Variants in YEATS4 observed in about 807,000 individuals in gnomAD.
YEATS4 encodes the protein YEATS domain-containing protein 4.
A neutral mutation model predicts 30.1 loss-of-function variants in YEATS4; 17 were observed. The ratio of observed to expected loss-of-function variants is 0.56; its 90% CI spans 0.39 to 0.85. YEATS4 has a LOEUF of 0.85. Among genes scored for constraint, YEATS4 ranks in the 40% least tolerant of loss-of-function variants. YEATS4 has a pLI of 0.00. For synonymous variants in YEATS4, 85 were observed against 87.5 expected (o/e 0.97, Z 0.16); for missense variants, 142 against 268.3 (o/e 0.53, Z 3.29).
At chr12:69,365,345 G>T (rs1447861446) in intron 2 of YEATS4, among the ~76,000 whole-genome samples, 3 of 151,906 alleles carry the variant, frequency 2.0e-5, no homozygotes, top group Non-Finnish European at 4.4e-5. Context: ...CAGCTACTCA[G>T]GAGGCTGAGG....
chr12:69,373,527 A>G (rs945613660), intron 6 of YEATS4, among the ~76,000 whole-genome samples: 12 of 152,290 alleles, frequency 7.9e-5, no homozygotes, highest in Non-Finnish European at 1.3e-4. Context: ...TCTGATTATT[A>G]ATTCTTTGAC....
At chr12:69,389,670 C>T (rs929527579) in intron 6 of YEATS4, among the ~76,000 whole-genome samples, 5 of 151,472 alleles carry the variant, frequency 3.3e-5, no homozygotes, top group Non-Finnish European at 5.9e-5. Context: ...TGCACCACCA[C>T]GCCCTGCTAA....
rs779683373 is a variant in YEATS4 at position 69,362,899 on chromosome 12, A to G, written c.163A>G (p.Arg55Gly). The change falls in exon 2 of 7, where the codon AGA becomes GGA. Residue 55 changes from arginine to glycine, a missense_variant. By Grantham distance (125) the Arg-to-Gly change is moderately radical. Transcript: ENST00000247843. Reference protein sequence around the residue: ...HQWTVYVKPYRNEDMSAYVKK... With the variant: ...HQWTVYVKPYGNEDMSAYVKK... ...GTGGACAGTATATGTGAAACCATAT[A>G]GAAATGAGGTAGGCACTCGTTTTTT... 6.4e-7 allele frequency: 1 copy of G among 1,563,028 alleles called. No individual in the cohort carries two copies. Among genetic ancestry groups the G allele is most frequent in the Non-Finnish European group, 8.7e-7 (1 of 1,154,298 alleles).
chr12:69,365,999 A>C (rs574157805), intron 4 of YEATS4, 115 bp downstream of exon 4: 324 of 767,754 alleles, frequency 4.2e-4, no homozygotes, highest in Middle Eastern at 7.9e-4. Context: ...TTTATGGCAC[A>C]GTGTATCTTG....
At chr12:69,416,820 C>A in the YEATS4 span, among the ~76,000 whole-genome samples, 5 of 152,276 alleles carry the variant, frequency 3.3e-5, no homozygotes, top group Non-Finnish European at 4.4e-5. Context: ...TGCTTGTAAT[C>A]CCAGCACTTC....
chr12:69,420,099 G>A, the YEATS4 span, among the ~76,000 whole-genome samples: 1 of 152,362 alleles, frequency 6.6e-6, no homozygotes, highest in East Asian at 1.9e-4. Flanking sequence ...AGGGTAAAAT[G>A]TAACTGGATT....
intron 6 of YEATS4, among the ~76,000 whole-genome samples, chr12:69,380,849 C>G (rs966813187): frequency 1.3e-5 from 2 of 152,130 alleles, no homozygotes; most frequent in Non-Finnish European, 2.9e-5. Context: ...TCCATGATGC[C>G]CCACAAGCCA....
At chr12:69,391,338 G>A (rs1219349234), downstream of YEATS4, among the ~76,000 whole-genome samples, 1 of 151,772 alleles carries the variant, frequency 6.6e-6, no homozygotes, top group Admixed American at 6.6e-5. Context: ...CATATGGGAA[G>A]CAGCTGCAGC....
chr12:69,425,748 C>T, the YEATS4 span, among the ~76,000 whole-genome samples: 16 of 152,160 alleles, frequency 1.1e-4, no homozygotes, highest in African/African-American at 3.1e-4. Context: ...GGAGCCCACA[C>T]GTTAAGTCAT....
the YEATS4 span, among the ~76,000 whole-genome samples, chr12:69,399,143 T>TC: frequency 4.8e-5 from 7 of 145,274 alleles, no homozygotes; most frequent in African/African-American, 1.0e-4. Context: ...TGAGACTCCG[T>TC]CCCCCCCAAA....
chr12:69,379,877 A>G (rs992550950), intron 6 of YEATS4, among the ~76,000 whole-genome samples: 1 of 152,076 alleles, frequency 6.6e-6, no homozygotes, highest in African/African-American at 2.4e-5. Context: ...CAGTTCTGCT[A>G]TTAAGTGACT....
At chr12:69,375,008 G>GCC (rs142781942) in intron 6 of YEATS4, among the ~76,000 whole-genome samples, 3 of 147,638 alleles carry the variant, frequency 2.0e-5, no homozygotes, top group African/African-American at 7.5e-5. Flanking sequence ...GGCGGGGGCT[G>GCC]CCCCCACCTC....
chr12:69,407,583 G>C, the YEATS4 span, among the ~76,000 whole-genome samples: 1 of 151,934 alleles, frequency 6.6e-6, no homozygotes, highest in East Asian at 1.9e-4. Context: ...GACTTGTGAA[G>C]GGCCCAGAAA....
At chr12:69,426,023 C>T in the YEATS4 span, among the ~76,000 whole-genome samples, 14 of 152,098 alleles carry the variant, frequency 9.2e-5, no homozygotes, top group African/African-American at 3.1e-4. Context: ...TCGCTTGAGG[C>T]GAGGAGTTCA....
chr12:69,415,969 G>A, the YEATS4 span, among the ~76,000 whole-genome samples: 1 of 152,184 alleles, frequency 6.6e-6, no homozygotes, highest in Non-Finnish European at 1.5e-5. Context: ...TACATTTTTG[G>A]AAGGTCAGTT....
chr12:69,413,441 G>T, the YEATS4 span, among the ~76,000 whole-genome samples: 1 of 151,204 alleles, frequency 6.6e-6, no homozygotes. Flanking sequence ...CATATCAATT[G>T]AAAGAGTGGA....
At position 69,370,805 on chromosome 12, in the gene YEATS4, A is replaced by T. The variant is rs758399486; in HGVS notation, c.426+7A>T. ...AGAGTTCTATGATGAAATGGTAAGA[A>T]GATTTTATAATGATAGTTTTAAAAG... On this transcript the variant is annotated splice_region_variant and intron_variant, in intron 5 of 6. Coordinates refer to ENST00000247843, the MANE Select transcript of YEATS4 (RefSeq NM_006530.4). The T allele has an allele frequency of 6.3e-7, 1 of 1,596,074 alleles. No homozygotes were observed. Among genetic ancestry groups the T allele is most frequent in the Non-Finnish European group, 8.5e-7 (1 of 1,174,518 alleles).
chr12:69,389,628 C>T (rs958351945), intron 6 of YEATS4, among the ~76,000 whole-genome samples: 1 of 147,694 alleles, frequency 6.8e-6, no homozygotes, highest in East Asian at 2.0e-4. Context: ...ATTCTCATGC[C>T]TCAGCCACCA....
the YEATS4 span, among the ~76,000 whole-genome samples, chr12:69,419,938 A>G: frequency 6.6e-6 from 1 of 152,252 alleles, no homozygotes; most frequent in Non-Finnish European, 1.5e-5. Context: ...TAGGTGTCAA[A>G]AAGCGGTGGG....
Sources: gnomAD v4.1 joint callset for allele counts (sites outside exome capture counted in the v4.1 genomes callset) on GRCh38, gnomAD v4.1.1 for gene constraint, MANE v1.5 for transcripts, NCBI Gene and HGNC (gene_info 2026-07-23, HGNC 2026-07-21) for gene names.